ROBO1: variants seen among roughly 807,000 people sequenced by gnomAD.
The protein encoded by ROBO1 is roundabout guidance receptor 1.
In ROBO1, 149 loss-of-function variants were observed where a neutral mutation model predicts 195.9. The ratio of observed to expected loss-of-function variants is 0.76; its 90% CI spans 0.67 to 0.87. The LOEUF (loss-of-function observed/expected upper bound fraction) is 0.87. ROBO1 is among the 40% of genes least tolerant of loss of function. The probability of loss-of-function intolerance (pLI) is 0.00; values close to 1 mark genes in which losing one functional copy is unlikely to be tolerated. For missense variants in ROBO1, 1,933 were observed against 2,068.3 expected (o/e 0.93, Z 1.27); for synonymous variants, 816 against 733.2 (o/e 1.11, Z -1.82).
At chr3:79,543,214 A>G (rs929230962) in intron 2 of ROBO1, among the ~76,000 whole-genome samples, 62 of 152,158 alleles carry the variant, frequency 4.1e-4, no homozygotes, top group African/African-American at 1.5e-3. Flanking sequence ...TATTTTTGGA[A>G]GGGAAAAATA....
intron 2 of ROBO1, among the ~76,000 whole-genome samples, chr3:79,316,180 T>G (rs985715843): frequency 1.3e-5 from 2 of 152,078 alleles, no homozygotes; most frequent in Non-Finnish European, 2.9e-5. Flanking sequence ...AATAAGGAGA[T>G]GATTGGTTTT....
At chr3:79,400,607 G>C (rs1333587429) in intron 2 of ROBO1, among the ~76,000 whole-genome samples, 3 of 152,042 alleles carry the variant, frequency 2.0e-5, no homozygotes, top group Non-Finnish European at 4.4e-5. Context: ...TTGATTTGAA[G>C]TCTGTGTATT....
At chr3:79,453,010 T>G (rs2039497756) in intron 2 of ROBO1, among the ~76,000 whole-genome samples, 1 of 151,946 alleles carries the variant, frequency 6.6e-6, no homozygotes, top group Admixed American at 6.6e-5. Context: ...ATATTGTACA[T>G]AAAGAATGTA....
At chr3:78,649,327 C>T (rs1415279144) in intron 19 of ROBO1, among the ~76,000 whole-genome samples, 2 of 152,096 alleles carry the variant, frequency 1.3e-5, no homozygotes, top group South Asian at 2.1e-4. Flanking sequence ...GAAATTTTCA[C>T]TGCTAGCACA....
chr3:78,668,900 T>C (rs1251781209), intron 11 of ROBO1, among the ~76,000 whole-genome samples: 1 of 152,182 alleles, frequency 6.6e-6, no homozygotes, highest in African/African-American at 2.4e-5. Flanking sequence ...GGCTAAGATA[T>C]ATCTTTATGT....
chr3:79,482,139 T>C (rs1207399056), intron 2 of ROBO1, among the ~76,000 whole-genome samples: 1 of 152,234 alleles, frequency 6.6e-6, no homozygotes, highest in Non-Finnish European at 1.5e-5. Context: ...ATTGATTCCA[T>C]CAGTATGATA....
chr3:79,540,929 T>C (rs975598653), intron 2 of ROBO1, among the ~76,000 whole-genome samples: 2 of 152,180 alleles, frequency 1.3e-5, no homozygotes, highest in Non-Finnish European at 2.9e-5. Flanking sequence ...CACATAATTA[T>C]TGCATTTTGC....
intron 1 of ROBO1, among the ~76,000 whole-genome samples, chr3:79,756,928 A>C (rs1704437111): frequency 6.6e-6 from 1 of 152,046 alleles, no homozygotes; most frequent in African/African-American, 2.4e-5. Flanking sequence ...GTTTTTTGGC[A>C]TATTTTATTT....
intron 3 of ROBO1, among the ~76,000 whole-genome samples, chr3:79,123,235 A>C (rs2080153435): frequency 6.6e-6 from 1 of 151,954 alleles, no homozygotes; most frequent in South Asian, 2.1e-4. Context: ...AGGCCATCTC[A>C]CTTTCCTCTG....
At chr3:79,164,289 G>A (rs933301555) in intron 2 of ROBO1, among the ~76,000 whole-genome samples, 1 of 152,118 alleles carries the variant, frequency 6.6e-6, no homozygotes, top group South Asian at 2.1e-4. Context: ...AAAAATTAGA[G>A]TACTAATATG....
rs548221575 is a variant in ROBO1 at position 79,274,754 on chromosome 3, AAAAGGGGTAAGACC to A, written c.89-149229_89-149216del. ...AAAAACCATTAGATCAACTAAGAAAAAAAGGGGTAAGACCAAAGTAAGTAAAATCCGAAATGATG... is the reference window on the plus strand; with the variant it reads ...AAAAACCATTAGATCAACTAAGAAAAAAAGTAAGTAAAATCCGAAATGATG... On this transcript the variant is annotated intron_variant, in intron 2 of 30. Transcript: ENST00000464233. Among the ~76,000 whole-genome samples, 25 of 152,148 alleles carry A rather than the reference AAAAGGGGTAAGACC, an allele frequency of 1.6e-4. No homozygotes were observed. In the East Asian group the frequency reaches 4.8e-3, roughly 29 times the overall value.
intron 11 of ROBO1, among the ~76,000 whole-genome samples, chr3:78,669,719 A>G (rs1707952284): frequency 6.6e-6 from 1 of 152,308 alleles, no homozygotes; most frequent in South Asian, 2.1e-4. Flanking sequence ...TAGAAGAACT[A>G]TCTAAATATA....
chr3:78,599,072 T>G (rs1423762713), intron 30 of ROBO1, 145 bp from the exon 31 acceptor site: 1 of 476,714 alleles, frequency 2.1e-6, no homozygotes, highest in African/African-American at 2.0e-5. Context: ...TCATGTCAAC[T>G]AATTCATTCA....
intron 2 of ROBO1, among the ~76,000 whole-genome samples, chr3:79,510,625 A>C (rs575751178): frequency 6.6e-6 from 1 of 151,904 alleles, no homozygotes; most frequent in South Asian, 2.1e-4. Context: ...ATCTCATAAA[A>C]TGTTGCAGTG....
intron 2 of ROBO1, among the ~76,000 whole-genome samples, chr3:79,472,394 C>G (rs1938329098): frequency 6.6e-6 from 1 of 152,068 alleles, no homozygotes; most frequent in Non-Finnish European, 1.5e-5. Flanking sequence ...TTAAATATAT[C>G]CAATAATAAA....
In ROBO1 at chr3:79,437,342, C is replaced by T. The variant is rs143581640; in HGVS notation, c.88+152482G>A. Among the ~76,000 whole-genome samples, 7 of 152,132 alleles carry T rather than the reference C, an allele frequency of 4.6e-5. No homozygotes were observed. The East Asian group carries it at 1.4e-3, about 29-fold the overall frequency. On this transcript the variant is annotated intron_variant, in intron 2 of 30. Coordinates refer to ENST00000464233, the MANE Select transcript of ROBO1 (RefSeq NM_002941.4). Reference sequence around the variant, plus strand: ...CCAATTCTGGCCCTTCTCTTCCCTTCCGTTCCTTTCTGTCCATTCCTTCTT... The same window carrying T: ...CCAATTCTGGCCCTTCTCTTCCCTTTCGTTCCTTTCTGTCCATTCCTTCTT...
intron 10 of ROBO1, among the ~76,000 whole-genome samples, chr3:78,670,999 G>GCAAA (rs1294546419): frequency 1.3e-5 from 2 of 152,058 alleles, no homozygotes; most frequent in African/African-American, 2.4e-5. Context: ...TTCTAACTTG[G>GCAAA]CAAACACCAT....
chr3:79,462,506 T>C (rs544089551), intron 2 of ROBO1, among the ~76,000 whole-genome samples: 2 of 152,374 alleles, frequency 1.3e-5, no homozygotes, highest in Non-Finnish European at 2.9e-5. Context: ...GGACTATATG[T>C]GTAACCTTTT....
intron 18 of ROBO1, among the ~76,000 whole-genome samples, chr3:78,656,478 G>A (rs1053563946): frequency 2.7e-5 from 4 of 150,710 alleles, no homozygotes; most frequent in Non-Finnish European, 5.9e-5. Flanking sequence ...AGCCTCCTAA[G>A]TAGCTGGGAC....
Sources: gnomAD v4.1 joint callset for allele counts (sites outside exome capture counted in the v4.1 genomes callset) on GRCh38, gnomAD v4.1.1 for gene constraint, MANE v1.5 for transcripts, NCBI Gene and HGNC (gene_info 2026-07-23, HGNC 2026-07-21) for gene names.